The following CDH6 variants were observed in gnomAD, a reference collection of about 807,000 sequenced individuals.
The protein encoded by CDH6 is cadherin-6.
In CDH6, 31 loss-of-function variants were observed where a neutral mutation model predicts 78.0. The ratio of observed to expected loss-of-function variants is 0.40; its 90% CI spans 0.30 to 0.54. The LOEUF is 0.54. Ranked by LOEUF, CDH6 falls within the 20% of genes least tolerant of loss-of-function variation. The pLI is 0.56. For synonymous variants in CDH6, 376 were observed against 368.8 expected (o/e 1.02, Z -0.23); for missense variants, 724 against 975.9 (o/e 0.74, Z 3.44).
chr5:31,262,858 C>T (rs1742244967), intron 1 of CDH6, among the ~76,000 whole-genome samples: 1 of 152,168 alleles, frequency 6.6e-6, no homozygotes, highest in African/African-American at 2.4e-5. Context: ...ACTTTGCCTG[C>T]TCAGAAATCA....
At chr5:31,208,782 C>T (rs975288356) in intron 1 of CDH6, among the ~76,000 whole-genome samples, 1 of 152,198 alleles carries the variant, frequency 6.6e-6, no homozygotes, top group African/African-American at 2.4e-5. Context: ...AAATTCCAAC[C>T]TTGGAAATGT....
intron 2 of CDH6, among the ~76,000 whole-genome samples, chr5:31,289,733 G>A (rs1743105416): frequency 6.6e-6 from 1 of 152,166 alleles, no homozygotes; most frequent in South Asian, 2.1e-4. Context: ...GGAAATGGGA[G>A]CAATAAGGCA....
At chr5:31,239,967 CT>C (rs928493948) in intron 1 of CDH6, among the ~76,000 whole-genome samples, 2 of 152,172 alleles carry the variant, frequency 1.3e-5, no homozygotes, top group Non-Finnish European at 2.9e-5. Flanking sequence ...TTTACTTTCT[CT>C]TTTTATTCAT....
intron 1 of CDH6, among the ~76,000 whole-genome samples, chr5:31,253,898 A>T (rs904488329): frequency 1.5e-4 from 23 of 152,012 alleles, no homozygotes; most frequent in African/African-American, 5.6e-4. Flanking sequence ...TCTGCTTTTT[A>T]AAAAAAGAAA....
At chr5:31,202,400 C>T (rs1740377940) in intron 1 of CDH6, among the ~76,000 whole-genome samples, 2 of 152,040 alleles carry the variant, frequency 1.3e-5, no homozygotes, top group Non-Finnish European at 2.9e-5. Context: ...TTTGGGAGGC[C>T]AAGGCAGGCG....
At chr5:31,242,673 C>T (rs979936092) in intron 1 of CDH6, among the ~76,000 whole-genome samples, 1 of 148,710 alleles carries the variant, frequency 6.7e-6, no homozygotes, top group African/African-American at 2.5e-5. Context: ...AGTCAAGCTG[C>T]TGCCTGGTCT....
chr5:31,284,842 C>T (rs1365396229), intron 2 of CDH6, among the ~76,000 whole-genome samples: 1 of 152,202 alleles, frequency 6.6e-6, no homozygotes, highest in African/African-American at 2.4e-5. Flanking sequence ...GCTCCAAAAG[C>T]CCCCAAATTC....
At chr5:31,302,968 G>GGAAAGAAAGA (rs1737870451) in intron 6 of CDH6, among the ~76,000 whole-genome samples, 2 of 119,024 alleles carry the variant, frequency 1.7e-5, no homozygotes, top group East Asian at 4.8e-4. Flanking sequence ...GGAAAGAAAA[G>GGAAAGAAAGA]AAAGAAAGAA....
At chr5:31,232,436 G>A (rs1561034144) in intron 1 of CDH6, among the ~76,000 whole-genome samples, 1 of 152,100 alleles carries the variant, frequency 6.6e-6, no homozygotes, top group Non-Finnish European at 1.5e-5. Flanking sequence ...AGCCTGGTTA[G>A]ACTCTAAGAC....
intron 1 of CDH6, among the ~76,000 whole-genome samples, chr5:31,216,960 A>C (rs778676891): frequency 6.6e-6 from 1 of 152,090 alleles, no homozygotes; most frequent in Admixed American, 6.6e-5. Context: ...AGAGAGGCTC[A>C]TGTGTGGTTT....
In CDH6 at chr5:31,225,956, A is replaced by G. The variant is rs115949035; in HGVS notation, c.-129+32070A>G. Among the ~76,000 whole-genome samples, 513 of 152,110 alleles carry G rather than the reference A, an allele frequency of 3.4e-3. 6 individuals are homozygous for G. Among genetic ancestry groups the G allele is most frequent in the African/African-American group, 0.012 (487 of 41,512 alleles). On this transcript the variant is annotated intron_variant, in intron 1 of 11. Coordinates refer to ENST00000265071, the MANE Select transcript of CDH6 (RefSeq NM_004932.4). ...ACCAGAATGCACATTCCAAGTACAT[A>G]CTCCATTCAACATACCCCAGGTATA...
rs146257998 is a variant in CDH6 at position 31,322,951 on chromosome 5, T to C, written c.2016T>C (p.Phe672=). The C allele has an allele frequency of 6.1e-3, 9,917 of 1,614,162 alleles. 53 individuals are homozygous for C. The highest frequency in any genetic ancestry group is 6.3e-3 in the Non-Finnish European group (7,461 of 1,180,012). The change falls in exon 12 of 12, where the codon TTT becomes TTC. Residue 672 remains phenylalanine (F), a synonymous_variant. Transcript: ENST00000265071. ...EGGGEEDTQA[F]DIGTLRNPEA... is the part of the protein sequence containing the mutation. ...GTGGAGAGGAGGACACCCAGGCTTTTGATATCGGCACCCTGAGGAATCCTG... is the reference window on the plus strand; with the variant it reads ...GTGGAGAGGAGGACACCCAGGCTTTCGATATCGGCACCCTGAGGAATCCTG...
chr5:31,245,849 C>T (rs937808174), intron 1 of CDH6, among the ~76,000 whole-genome samples: 16 of 151,162 alleles, frequency 1.1e-4, no homozygotes, highest in Admixed American at 4.0e-4. Flanking sequence ...ATTTCTAGAG[C>T]AAGTCTCCTG....
intron 2 of CDH6, 69 bp downstream of exon 2, chr5:31,267,770 T>C (rs1742403792): frequency 3.5e-6 from 4 of 1,134,256 alleles, no homozygotes; most frequent in Non-Finnish European, 4.0e-6. Context: ...AATAAATAGA[T>C]GGGGAGGATG....
intron 7 of CDH6, among the ~76,000 whole-genome samples, chr5:31,308,831 C>CAAAGAATAAA (rs1264593331): frequency 1.3e-4 from 19 of 151,892 alleles, no homozygotes; most frequent in Non-Finnish European, 2.4e-4. Context: ...GGAAAAGACA[C>CAAAGAATAAA]AAAGAATAAA....
chr5:31,277,704 A>C (rs1451064525), intron 2 of CDH6, among the ~76,000 whole-genome samples: 1 of 152,204 alleles, frequency 6.6e-6, no homozygotes, highest in Non-Finnish European at 1.5e-5. Flanking sequence ...CAAACTCTGC[A>C]AGACCCTAGC....
Position 31,199,249 on chromosome 5 carries a change from A to G in CDH6, c.-129+5363A>G, listed in dbSNP as rs548445340. 3.1e-4 allele frequency among the ~76,000 whole-genome samples: 47 copies of G among 151,406 alleles called. 1 individual carries two copies. The highest frequency in any genetic ancestry group is 1.1e-3 in the African/African-American group (46 of 41,336). On this transcript the variant is annotated intron_variant, in intron 1 of 11. Coordinates refer to ENST00000265071, the MANE Select transcript of CDH6 (RefSeq NM_004932.4). The stretch of plus-strand genomic sequence containing the variant: ...CACATACACACACACACATATGTGT[A>G]TATATATATGCTCAGAGCATATATA...
intron 7 of CDH6, among the ~76,000 whole-genome samples, chr5:31,309,020 A>T (rs1738075412): frequency 6.6e-6 from 1 of 152,138 alleles, no homozygotes; most frequent in Non-Finnish European, 1.5e-5. Flanking sequence ...TCATTCTCAA[A>T]TTTAAAATAA....
intron 2 of CDH6, among the ~76,000 whole-genome samples, chr5:31,288,647 C>T (rs1319819362): frequency 6.6e-6 from 1 of 152,230 alleles, no homozygotes; most frequent in East Asian, 1.9e-4. Context: ...TTTAAAGTAA[C>T]ATTCCACCTA....
Sources: gnomAD v4.1 joint callset for allele counts (sites outside exome capture counted in the v4.1 genomes callset) on GRCh38, gnomAD v4.1.1 for gene constraint, MANE v1.5 for transcripts, NCBI Gene and HGNC (gene_info 2026-07-23, HGNC 2026-07-21) for gene names.